The following C3orf70 variants were observed in gnomAD, a reference collection of about 807,000 sequenced individuals.
C3orf70 encodes UPF0524 protein C3orf70.
A neutral mutation model predicts 20.7 loss-of-function variants in C3orf70; 15 were observed. That is an observed-to-expected ratio of 0.72 (90% CI 0.48 to 1.11). C3orf70 has a LOEUF of 1.11. C3orf70 is among the 50% of genes most tolerant of loss of function. The pLI is 0.00. For synonymous variants in C3orf70, 161 were observed against 125.7 expected (o/e 1.28, Z -1.88); for missense variants, 332 against 317.6 (o/e 1.05, Z -0.34).
At chr3:185,105,930 G>C (rs140052685) in intron 1 of C3orf70, among the ~76,000 whole-genome samples, 1 of 152,156 alleles carries the variant, frequency 6.6e-6, no homozygotes, top group Non-Finnish European at 1.5e-5. Flanking sequence ...TGAGGAGGAA[G>C]GAGAGTATAG....
At chr3:185,132,818 C>T (rs1363981237) in intron 1 of C3orf70, among the ~76,000 whole-genome samples, 1 of 152,086 alleles carries the variant, frequency 6.6e-6, no homozygotes, top group Non-Finnish European at 1.5e-5. Flanking sequence ...CCAATACAGA[C>T]ACACAGAGAA....
intron 1 of C3orf70, among the ~76,000 whole-genome samples, chr3:185,116,856 G>A (rs576759372): frequency 1.3e-5 from 2 of 150,928 alleles, no homozygotes; most frequent in South Asian, 2.1e-4. Context: ...TCGGCTCACT[G>A]CAAGCTCCGC....
rs973327076 is a variant in C3orf70, at chr3:185,079,237, C to T, written c.*3770G>A. On this transcript the variant is annotated 3_prime_UTR_variant, in exon 2 of 2. Transcript: ENST00000335012. ...CAGAGCTGGCAGTGAGCCGAGATCG[C>T]GCCACTGCACTCCAGCCTGGGTGAA... 3.5e-5 allele frequency: 5 copies of T among 144,188 alleles called. No individual in the cohort carries two copies. Among genetic ancestry groups the T allele is most frequent in the East Asian group, 4.0e-4 (2 of 4,974 alleles). The allele number at this position is 144,188 out of a possible 1,614,324, so 8.9% of individuals were successfully genotyped here.
chr3:185,083,825 G>A (rs1561324408), intron 1 of C3orf70, among the ~76,000 whole-genome samples: 1 of 152,154 alleles, frequency 6.6e-6, no homozygotes, highest in Non-Finnish European at 1.5e-5. Context: ...TAGGTGGATA[G>A]ACACTATAAT....
intron 1 of C3orf70, among the ~76,000 whole-genome samples, chr3:185,128,356 C>T (rs1346198549): frequency 1.3e-5 from 2 of 151,982 alleles, no homozygotes; most frequent in Non-Finnish European, 2.9e-5. Flanking sequence ...GGTGAAACGC[C>T]GCCTCTACTT....
intron 1 of C3orf70, among the ~76,000 whole-genome samples, chr3:185,109,619 T>C (rs1716020798): frequency 6.6e-6 from 1 of 152,162 alleles, no homozygotes; most frequent in Admixed American, 6.5e-5. Flanking sequence ...AATTTAATGG[T>C]AGCTATGATA....
intron 1 of C3orf70, among the ~76,000 whole-genome samples, chr3:185,129,777 T>C (rs1256351523): frequency 6.6e-6 from 1 of 152,214 alleles, no homozygotes; most frequent in African/African-American, 2.4e-5. Context: ...ATTACCAAAA[T>C]ATTTATATTC....
At chr3:185,112,232 G>C (rs1042688810) in intron 1 of C3orf70, among the ~76,000 whole-genome samples, 1 of 152,228 alleles carries the variant, frequency 6.6e-6, no homozygotes, top group South Asian at 2.1e-4. Flanking sequence ...GGAGGGTGCA[G>C]TGAGCCAAGA....
At chr3:185,112,230 C>A (rs1269252656) in intron 1 of C3orf70, among the ~76,000 whole-genome samples, 1 of 152,180 alleles carries the variant, frequency 6.6e-6, no homozygotes, top group Non-Finnish European at 1.5e-5. Context: ...GCGGAGGGTG[C>A]AGTGAGCCAA....
chr3:185,122,925 G>A (rs752588638), intron 1 of C3orf70, among the ~76,000 whole-genome samples: 1 of 151,804 alleles, frequency 6.6e-6, no homozygotes, highest in Non-Finnish European at 1.5e-5. Context: ...GGAGGCCGAC[G>A]CAGGTGGATC....
chr3:185,097,984 C>G (rs966380325), intron 1 of C3orf70, among the ~76,000 whole-genome samples: 1 of 152,168 alleles, frequency 6.6e-6, no homozygotes, highest in Non-Finnish European at 1.5e-5. Context: ...TGTAGGTTTT[C>G]AAGACCAAAT....
chr3:185,102,163 G>C (rs947869251), intron 1 of C3orf70, among the ~76,000 whole-genome samples: 5 of 152,148 alleles, frequency 3.3e-5, no homozygotes, highest in African/African-American at 1.2e-4. Flanking sequence ...CCTATATCTA[G>C]AAAACCCCAC....
intron 1 of C3orf70, among the ~76,000 whole-genome samples, chr3:185,150,482 G>T (rs1716969169): frequency 6.6e-6 from 1 of 151,512 alleles, no homozygotes; most frequent in South Asian, 2.1e-4. Flanking sequence ...TAAGGGATCA[G>T]TACCTGTGTC....
rs567388329 is a variant in C3orf70, at chr3:185,137,724, A to G, written c.196+14904T>C. Among the ~76,000 whole-genome samples the G allele has an allele frequency of 5.9e-5, 9 of 152,338 alleles. No individual in the cohort carries two copies. In the East Asian group the frequency reaches 7.7e-4, roughly 13 times the overall value. On this transcript the variant is annotated intron_variant, in intron 1 of 1. Transcript: ENST00000335012. ...AGAAAATTAAAATAAAACACATAAA[A>G]ATTTATGATACACAGCTAAAGCAGT...
intron 1 of C3orf70, among the ~76,000 whole-genome samples, chr3:185,089,936 C>T (rs1350112393): frequency 6.6e-6 from 1 of 152,140 alleles, no homozygotes. Context: ...CAATAATATG[C>T]CTTTTCACAA....
At chr3:185,123,106 AG>A (rs201867072) in intron 1 of C3orf70, among the ~76,000 whole-genome samples, 7,700 of 145,886 alleles carry the variant, frequency 0.053, 659 homozygotes, top group African/African-American at 0.18. Flanking sequence ...TGAACCTGGG[AG>A]GACAGAGGTT....
At chr3:185,102,273 A>C (rs7618834) in intron 1 of C3orf70, among the ~76,000 whole-genome samples, 7,910 of 152,276 alleles carry the variant, frequency 0.052, 667 homozygotes, top group African/African-American at 0.18. Context: ...TATATACCAA[A>C]AACAGGCCAA....
At chr3:185,095,635 A>C (rs1195035740) in intron 1 of C3orf70, among the ~76,000 whole-genome samples, 1 of 152,204 alleles carries the variant, frequency 6.6e-6, no homozygotes, top group Non-Finnish European at 1.5e-5. Flanking sequence ...CTGGTTTTTT[A>C]AAAGATTAAC....
At chr3:185,090,493 A>G (rs11925854) in intron 1 of C3orf70, among the ~76,000 whole-genome samples, 31,560 of 152,118 alleles carry the variant, frequency 0.21, 3,533 homozygotes, top group Non-Finnish European at 0.25. Flanking sequence ...CAGGGAATGC[A>G]AAGTAATTTA....
Sources: gnomAD v4.1 joint callset for allele counts (sites outside exome capture counted in the v4.1 genomes callset) on GRCh38, gnomAD v4.1.1 for gene constraint, MANE v1.5 for transcripts, NCBI Gene and HGNC (gene_info 2026-07-23, HGNC 2026-07-21) for gene names.